Variants in NSD3 observed in about 807,000 individuals in gnomAD.
NSD3 encodes histone-lysine N-methyltransferase NSD3.
Under a neutral mutation model 160.8 loss-of-function variants are expected in NSD3, and 24 were observed. The observed-to-expected ratio is 0.15, with a 90% confidence interval of 0.11 to 0.21. NSD3 has a LOEUF of 0.21. NSD3 is among the 10% of genes least tolerant of loss of function. The probability of loss-of-function intolerance (pLI) is 1.00; values close to 1 mark genes in which losing one functional copy is unlikely to be tolerated. For missense variants in NSD3, 1,157 were observed against 1,735.9 expected, an observed-to-expected ratio of 0.67 and a Z score of 5.93; for synonymous variants, 520 against 600.0, an observed-to-expected ratio of 0.87 and a Z score of 1.95.
intron 1 of NSD3, among the ~76,000 whole-genome samples, chr8:38,371,578 T>C (rs1811243798): frequency 6.6e-6 from 1 of 152,098 alleles, no homozygotes; most frequent in African/African-American, 2.4e-5. Context: ...TAACCTTCAG[T>C]GGGAGTAAAA....
rs751782000 is a variant in NSD3, at chr8:38,281,560, G to A, written c.3525C>T (p.Val1175=). ...IKKGEFVNEY[V]GELIDEEECR... ...ATTCTTCTTCATCAATTAATTCACC[G>A]ACGTATTCATTTACAAATTCACCCT... Residue 1175 remains valine, a synonymous_variant, in exon 20 of 24, where the codon GTC becomes GTT. Transcript: ENST00000317025. The A allele has an allele frequency of 1.0e-5, 16 of 1,604,930 alleles. No individual in the cohort carries two copies. Among genetic ancestry groups the A allele is most frequent in the African/African-American group, 2.7e-5 (2 of 74,540 alleles).
At chr8:38,325,723 G>A (rs1005509001) in intron 7 of NSD3, among the ~76,000 whole-genome samples, 11 of 151,512 alleles carry the variant, frequency 7.3e-5, no homozygotes, top group Admixed American at 6.6e-4. Flanking sequence ...CAGGTATCAT[G>A]GTGCATGCCT....
Position 38,269,740 on chromosome 8 carries a change from C to T in NSD3, c.*5901G>A, listed in dbSNP as rs1808366532. 1 of 152,810 alleles carries T rather than the reference C, an allele frequency of 6.5e-6. No individual in the cohort carries two copies. The highest frequency in any genetic ancestry group is 1.5e-5 in the Non-Finnish European group (1 of 68,494). 9.5% of individuals were successfully genotyped at this position (152,810 alleles called of 1,614,324 possible). A position where few individuals can be genotyped will look rare whatever the true frequency, so the allele number is the denominator to read the frequency against. On this transcript the variant is annotated 3_prime_UTR_variant, in exon 24 of 24. Transcript: ENST00000317025. ...CAGGACAATTTATTGAAGTCAATCT[C>T]AAGCAAAATCTGAAATCAGTGGAAT...
Position 38,275,524 on chromosome 8 carries a change from G to T in NSD3, c.*117C>A. On this transcript the variant is annotated 3_prime_UTR_variant, in exon 24 of 24. Transcript: ENST00000317025. ...CTGCATGAACTGGTTTCCCATTTTT[G>T]CTTTAATAAGGCAGTTCCGATGGCA... is the stretch of plus-strand genomic sequence containing the variant. 1 of 964,346 alleles carries T rather than the reference G, an allele frequency of 1.0e-6. No individual in the cohort carries two copies. Among genetic ancestry groups the T allele is most frequent in the Non-Finnish European group, 1.5e-6 (1 of 663,298 alleles). 59.7% of individuals were successfully genotyped at this position (964,346 alleles called of 1,614,324 possible).
At chr8:38,357,582 T>C (rs1810856894) in intron 1 of NSD3, among the ~76,000 whole-genome samples, 1 of 152,160 alleles carries the variant, frequency 6.6e-6, no homozygotes. Context: ...TTCCAAGAAG[T>C]AGTCACTTAA....
At chr8:38,373,006 C>T (rs1199066473) in intron 1 of NSD3, among the ~76,000 whole-genome samples, 13 of 147,036 alleles carry the variant, frequency 8.8e-5, no homozygotes, top group African/African-American at 2.5e-4. Flanking sequence ...GCCGAGATTG[C>T]GCCACTGGAC....
chr8:38,354,160 G>A (rs1238433143), intron 1 of NSD3, among the ~76,000 whole-genome samples: 5 of 152,124 alleles, frequency 3.3e-5, no homozygotes, highest in Admixed American at 1.3e-4. Flanking sequence ...AGCAAATCTC[G>A]CATTTTCTTC....
chr8:38,311,922 A>G (rs1328172579), intron 12 of NSD3, among the ~76,000 whole-genome samples: 3 of 152,140 alleles, frequency 2.0e-5, no homozygotes, highest in African/African-American at 4.8e-5. Flanking sequence ...TTATAGGTTT[A>G]GCTCTTACAT....
chr8:38,282,733 C>A (rs1387873158), intron 19 of NSD3, among the ~76,000 whole-genome samples: 1 of 152,136 alleles, frequency 6.6e-6, no homozygotes, highest in Non-Finnish European at 1.5e-5. Flanking sequence ...TAGTACAGAA[C>A]CTTTTGAGAT....
intron 12 of NSD3, among the ~76,000 whole-genome samples, chr8:38,311,011 A>T (rs1809522185): frequency 6.8e-6 from 1 of 147,802 alleles, no homozygotes; most frequent in Admixed American, 6.7e-5. Flanking sequence ...TTTTTTTGAT[A>T]CTATTCATTC....
intron 1 of NSD3, among the ~76,000 whole-genome samples, chr8:38,376,873 C>T (rs1811402558): frequency 6.6e-6 from 1 of 152,200 alleles, no homozygotes; most frequent in Non-Finnish European, 1.5e-5. Flanking sequence ...TGTACTATCT[C>T]TCTTCCATTT....
rs1809686741 is a variant in NSD3, at chr8:38,317,140, G to A, written c.1856-1098C>T. On this transcript the variant is annotated intron_variant, in intron 9 of 23. Transcript: ENST00000317025. This position sits in a 1 kb window ranked among gnomAD's most constrained non-coding sequence, Gnocchi z 5.3. The stretch of plus-strand genomic sequence containing the variant: ...CATGAAGATCCGCAACAGGCTGAGT[G>A]AGAGTAGCACTTGGAACATAGCCAC... 1 of 1,062,778 alleles carries A rather than the reference G, an allele frequency of 9.4e-7. No homozygotes were observed. Among genetic ancestry groups the A allele is most frequent in the Admixed American group, 5.4e-5 (1 of 18,660 alleles). 65.8% of individuals were successfully genotyped at this position (1,062,778 alleles called of 1,614,324 possible).
intron 2 of NSD3, 124 bp from the exon 3 acceptor site, chr8:38,338,731 A>T: frequency 2.6e-6 from 2 of 757,054 alleles, no homozygotes; most frequent in Non-Finnish European, 4.5e-6. Flanking sequence ...GCATTTATTA[A>T]CTGAACAATG....
intron 10 of NSD3, 21 bp downstream of exon 10, chr8:38,315,891 C>T (rs1271559210): frequency 5.0e-6 from 8 of 1,611,266 alleles, no homozygotes; most frequent in Non-Finnish European, 6.8e-6. Flanking sequence ...ACACTTTGTC[C>T]AGACCCTTGC....
In NSD3 at chr8:38,278,381, A is replaced by G. The variant is rs1479709946; in HGVS notation, c.3792T>C (p.Asp1264=). Residue 1264 remains aspartate, a synonymous_variant, in exon 22 of 24, where the codon GAT becomes GAC. Transcript: ENST00000317025. The part of the protein sequence containing the change: ...GMELTFNYNL[D]CLGNGRTECH... Reference sequence around the variant, plus strand: ...ACTCCGTTCTGCCGTTGCCCAGACAATCTAGGTTATAATTAAATGTTAACT... The same window carrying G: ...ACTCCGTTCTGCCGTTGCCCAGACAGTCTAGGTTATAATTAAATGTTAACT... The G allele has an allele frequency of 6.2e-7, 1 of 1,613,930 alleles. No homozygotes were observed. Among genetic ancestry groups the G allele is most frequent in the Non-Finnish European group, 8.5e-7 (1 of 1,179,948 alleles).
chr8:38,313,806 A>T (rs1585878446), intron 12 of NSD3, among the ~76,000 whole-genome samples: 1 of 151,586 alleles, frequency 6.6e-6, no homozygotes, highest in South Asian at 2.1e-4. Context: ...AAAAAAAAAA[A>T]TTACTAACTT....
In NSD3 at chr8:38,288,413, A is replaced by T. The variant is rs1808916048; in HGVS notation, c.3501+74T>A. On this transcript the variant is annotated intron_variant, in intron 19 of 23. Transcript: ENST00000317025. This position sits in a 1 kb window ranked among gnomAD's most constrained non-coding sequence, Gnocchi z 4.5. Reference sequence around the variant, plus strand: ...AATTCCTGCTGATTTTATCCCTAGAACTATACCCTACTGAAGCATTCCTGA... The same window carrying T: ...AATTCCTGCTGATTTTATCCCTAGATCTATACCCTACTGAAGCATTCCTGA... 1 of 1,545,496 alleles carries T rather than the reference A, an allele frequency of 6.5e-7. No individual in the cohort carries two copies. The highest frequency in any genetic ancestry group is 1.4e-5 in the African/African-American group (1 of 72,814).
chr8:38,315,564 T>C lies in NSD3; in HGVS notation c.1987-20A>G, dbSNP rs746497747. ...GCCTACCTACATAGAAAACATAGCA[T>C]TTTTAAGAAAAACAAAATGAAAATT... On this transcript the variant is annotated intron_variant, in intron 10 of 23. Transcript: ENST00000317025. 1.3e-5 allele frequency: 21 copies of C among 1,610,800 alleles called. No homozygotes were observed. Among genetic ancestry groups the C allele is most frequent in the Non-Finnish European group, 1.7e-5 (20 of 1,179,260 alleles).
intron 1 of NSD3, among the ~76,000 whole-genome samples, chr8:38,349,568 C>T (rs1020788490): frequency 6.7e-6 from 1 of 150,298 alleles, no homozygotes; most frequent in Non-Finnish European, 1.5e-5. Context: ...TAAAATTGTT[C>T]TATAGGTTAT....
Sources: gnomAD v4.1 joint callset for allele counts (sites outside exome capture counted in the v4.1 genomes callset) on GRCh38, gnomAD v4.1.1 for gene constraint, Gnocchi (gnomAD v3.1) non-coding constraint, MANE v1.5 for transcripts, NCBI Gene and HGNC (gene_info 2026-07-23, HGNC 2026-07-21) for gene names.